ANKRD36C: variants seen among roughly 807,000 people sequenced by gnomAD.
The protein encoded by ANKRD36C is ankyrin repeat domain 36C.
Under a neutral mutation model 276.4 loss-of-function variants are expected in ANKRD36C, and 61 were observed. The observed-to-expected ratio is 0.22, with a 90% CI of 0.18 to 0.27. ANKRD36C has a LOEUF of 0.27. Among genes scored for constraint, ANKRD36C ranks in the 10% least tolerant of loss-of-function variants. The pLI, the probability that ANKRD36C is intolerant of heterozygous loss-of-function variation, is 1.00. For missense variants in ANKRD36C, 1,447 were observed against 2,032.3 expected (o/e 0.71, Z 5.54); for synonymous variants, 483 against 680.1 (o/e 0.71, Z 4.51).
chr2:95,888,622 G>T (rs1260003411), intron 48 of ANKRD36C, among the ~76,000 whole-genome samples: 1 of 151,722 alleles, frequency 6.6e-6, no homozygotes, highest in South Asian at 2.1e-4. Flanking sequence ...CGTCTCTTCA[G>T]TGGAAGTGTC....
intron 42 of ANKRD36C, among the ~76,000 whole-genome samples, chr2:95,911,575 T>A (rs962813253): frequency 5.9e-5 from 9 of 151,630 alleles, no homozygotes; most frequent in Non-Finnish European, 1.2e-4. Flanking sequence ...CTCTGATGCC[T>A]AATAGTAACA....
At chr2:95,893,652 A>G (rs751551410) in intron 44 of ANKRD36C, 44 bp downstream of exon 63, 10 of 1,597,678 alleles carry the variant, frequency 6.3e-6, no homozygotes, top group Non-Finnish European at 8.5e-6. Flanking sequence ...TGTTTCATAG[A>G]CCATACATTA....
intron 59 of ANKRD36C, among the ~76,000 whole-genome samples, chr2:95,872,171 T>A (rs1420254481): frequency 6.9e-6 from 1 of 144,424 alleles, no homozygotes; most frequent in Non-Finnish European, 1.5e-5. Context: ...GTGGACCTAA[T>A]AGACATCTAC....
At chr2:95,889,398 T>A (rs1193685371) in intron 48 of ANKRD36C, among the ~76,000 whole-genome samples, 7 of 151,630 alleles carry the variant, frequency 4.6e-5, no homozygotes, top group African/African-American at 1.7e-4. Flanking sequence ...CATTCTACAG[T>A]GTTTTTGTGG....
intron 36 of ANKRD36C, 41 bp downstream of exon 38, chr2:95,917,814 T>A (rs775451326): frequency 3.8e-5 from 60 of 1,563,098 alleles, no homozygotes; most frequent in Non-Finnish European, 4.7e-5. Flanking sequence ...TTCTTTTCTA[T>A]CTGGATTGAA....
chr2:95,912,561 A>G (rs1676964758), intron 40 of ANKRD36C, 126 bp from the exon 43 acceptor site: 2 of 1,544,864 alleles, frequency 1.3e-6, no homozygotes, highest in East Asian at 4.7e-5. Context: ...GATGGCTTCT[A>G]TTTTGTGTCT....
At chr2:95,917,962 A>C (rs552046420) in intron 35 of ANKRD36C, 35 bp from the exon 38 acceptor site, 43 of 1,598,032 alleles carry the variant, frequency 2.7e-5, no homozygotes, top group Admixed American at 8.6e-5. Flanking sequence ...ATAAATAAAT[A>C]AATCAATGAA....
chr2:95,953,882 T>A, intron 14 of ANKRD36C, 57 bp downstream of exon 14: 1 of 1,442,628 alleles, frequency 6.9e-7, no homozygotes, highest in East Asian at 2.5e-5. Flanking sequence ...TAGAAGAAAA[T>A]AATATAAAAA....
intron 34 of ANKRD36C, among the ~76,000 whole-genome samples, chr2:95,920,373 G>C (rs1039809539): frequency 1.5e-5 from 2 of 131,776 alleles, no homozygotes; most frequent in Admixed American, 1.6e-4. Context: ...TAACTGAGAA[G>C]GCACACAGTT....
chr2:95,953,996 G>A (rs2104491192), exon 14 of ANKRD36C: 2 of 1,534,398 alleles, frequency 1.3e-6, no homozygotes, highest in Middle Eastern at 1.7e-4. Context: ...CATCCGGTCT[G>A]TAGAGACTCC....
chr2:95,910,680 C>T (rs1299790285), intron 42 of ANKRD36C, 112 bp from the exon 45 acceptor site: 4 of 1,554,882 alleles, frequency 2.6e-6, no homozygotes, highest in Non-Finnish European at 3.5e-6. Context: ...TTAGCGCAGG[C>T]TTTGATGGCT....
chr2:95,872,585 C>G (rs1328371417), intron 59 of ANKRD36C, among the ~76,000 whole-genome samples: 1 of 151,738 alleles, frequency 6.6e-6, no homozygotes, highest in African/African-American at 2.4e-5. Flanking sequence ...AAATTGACAC[C>G]CTAACATCAC....
chr2:95,881,380 A>C (rs1676074277), intron 56 of ANKRD36C, among the ~76,000 whole-genome samples: 1 of 152,252 alleles, frequency 6.6e-6, no homozygotes, highest in Non-Finnish European at 1.5e-5. Flanking sequence ...TAATAAACTT[A>C]TACATTTGGA....
At chr2:95,893,197 A>T (rs1348028780) in intron 44 of ANKRD36C, among the ~76,000 whole-genome samples, 3 of 151,392 alleles carry the variant, frequency 2.0e-5, no homozygotes, top group Admixed American at 6.6e-5. Flanking sequence ...CGTCTGTAAA[A>T]TCGATACTTC....
chr2:95,988,573 A>T (rs1416042884), intron 1 of ANKRD36C, among the ~76,000 whole-genome samples: 3 of 152,200 alleles, frequency 2.0e-5, no homozygotes, highest in African/African-American at 7.2e-5. Context: ...ATGCTTGATG[A>T]ATAACTGGAT....
At chr2:95,888,318 T>C (rs932679703) in intron 48 of ANKRD36C, among the ~76,000 whole-genome samples, 198 bp from the exon 69 acceptor site, 3 of 151,666 alleles carry the variant, frequency 2.0e-5, no homozygotes, top group African/African-American at 4.8e-5. Context: ...CAAAATATAC[T>C]TACAATTTCA....
At chr2:95,912,161 G>A (rs546906940) in intron 42 of ANKRD36C, 83 bp downstream of exon 44, 22 of 1,517,228 alleles carry the variant, frequency 1.5e-5, no homozygotes, top group South Asian at 4.8e-5. Context: ...GTGCAGCTTC[G>A]ACCAGCCCCC....
At chr2:95,951,755 G>A in intron 14 of ANKRD36C, among the ~76,000 whole-genome samples, 2 of 151,952 alleles carry the variant, frequency 1.3e-5, no homozygotes. Flanking sequence ...AATAAAAAAA[G>A]TAAATTAATC....
chr2:95,880,297 G>C, intron 58 of ANKRD36C, 130 bp downstream of exon 78: 1 of 1,079,178 alleles, frequency 9.3e-7, no homozygotes, highest in South Asian at 1.6e-5. Flanking sequence ...AATGATAACA[G>C]CTGCATTATT....
Sources: allele counts gnomAD v4.1 joint callset (sites outside exome capture counted in the v4.1 genomes callset), GRCh38; gene constraint gnomAD v4.1.1; transcripts MANE v1.5; gene names NCBI Gene and HGNC (gene_info 2026-07-23, HGNC 2026-07-21).